The following WDR33 variants were observed in gnomAD, a reference collection of about 807,000 sequenced individuals.
The protein encoded by WDR33 is WD repeat domain 33.
A neutral mutation model predicts 164.9 loss-of-function variants in WDR33; 47 were observed. The observed-to-expected ratio is 0.29, with a 90% CI of 0.23 to 0.36. The LOEUF is 0.36. Among genes scored for constraint, WDR33 ranks in the 10% least tolerant of loss-of-function variants. The pLI is 1.00. For missense variants in WDR33, 1,137 were observed against 1,754.1 expected (o/e 0.65, Z 6.28); for synonymous variants, 505 against 589.0 (o/e 0.86, Z 2.06).
chr2:127,760,435 TG>T (rs1687643043), intron 7 of WDR33, among the ~76,000 whole-genome samples: 1 of 152,222 alleles, frequency 6.6e-6, no homozygotes, highest in African/African-American at 2.4e-5. Flanking sequence ...CCTATTTGTT[TG>T]ACTTTGTGAT....
intron 1 of WDR33, among the ~76,000 whole-genome samples, chr2:127,771,401 TATG>T (rs1461292818): frequency 6.6e-6 from 1 of 152,188 alleles, no homozygotes; most frequent in African/African-American, 2.4e-5. Flanking sequence ...CATAGAAAAG[TATG>T]ATAAAAATAC....
At chr2:127,746,986 A>C (rs1687185552) in intron 7 of WDR33, among the ~76,000 whole-genome samples, 1 of 152,254 alleles carries the variant, frequency 6.6e-6, no homozygotes. Context: ...TATTTAAAAA[A>C]ATGTAAATAT....
chr2:127,797,142 C>A (rs1689068275), intron 1 of WDR33, among the ~76,000 whole-genome samples: 1 of 151,940 alleles, frequency 6.6e-6, no homozygotes, highest in Admixed American at 6.6e-5. Flanking sequence ...GGATGATTTT[C>A]CTATTTTATA....
At chr2:127,745,818 A>C (rs1332056532) in intron 7 of WDR33, among the ~76,000 whole-genome samples, 3 of 152,078 alleles carry the variant, frequency 2.0e-5, no homozygotes, top group Non-Finnish European at 1.5e-5. Context: ...AGAACTCAAA[A>C]AACAGCACGT....
At chr2:127,784,926 A>G (rs967094532) in intron 1 of WDR33, among the ~76,000 whole-genome samples, 2 of 152,152 alleles carry the variant, frequency 1.3e-5, no homozygotes, top group East Asian at 3.8e-4. Context: ...GGGAACCTCA[A>G]TTTCACAATG....
chr2:127,722,587 T>C lies in WDR33; in HGVS notation c.1518+4A>G, dbSNP rs1411596660. ...GTGGATGAGGTGGAGTCACTTTTAC[T>C]TACCTGCTGGAACTGAGCAGGAATG... On this transcript the variant is annotated splice_donor_region_variant and intron_variant, in intron 14 of 21. Coordinates refer to ENST00000322313, the MANE Select transcript of WDR33 (RefSeq NM_018383.5). This position sits in a 1 kb window ranked among gnomAD's most constrained non-coding sequence, Gnocchi z 5.1. 8 of 1,611,970 alleles carry C rather than the reference T, an allele frequency of 5.0e-6. No individual in the cohort carries two copies. Among genetic ancestry groups the C allele is most frequent in the Non-Finnish European group, 6.8e-6 (8 of 1,179,422 alleles).
intron 1 of WDR33, among the ~76,000 whole-genome samples, chr2:127,774,506 T>C (rs1430458535): frequency 6.6e-6 from 1 of 152,128 alleles, no homozygotes; most frequent in Non-Finnish European, 1.5e-5. Flanking sequence ...AAAAAGAAAT[T>C]AAGTTGATAT....
At position 127,701,609 on chromosome 2, in the gene WDR33, C is replaced by T; in HGVS notation, c.*4714G>A. On this transcript the variant is annotated 3_prime_UTR_variant, in exon 22 of 22. Coordinates refer to ENST00000322313, the MANE Select transcript of WDR33 (RefSeq NM_018383.5). ...GCCCGGCGGCCGCGGAGCCGCTGCT[C>T]GCCGCGGAGAAGGCGGAGGAGCCCG... is the stretch of plus-strand genomic sequence containing the variant. The T allele has an allele frequency of 1.5e-6, 2 of 1,345,854 alleles. No individual in the cohort carries two copies. Among genetic ancestry groups the T allele is most frequent in the Admixed American group, 3.5e-5 (1 of 28,460 alleles). 83.4% of individuals were successfully genotyped at this position (1,345,854 alleles called of 1,614,324 possible).
Position 127,706,038 on chromosome 2 carries a change from C to T in WDR33, c.*285G>A. The stretch of plus-strand genomic sequence containing the variant: ...AGGAACTTAAATTTGTGGAGATGCC[C>T]CATGTCTTGTGAGACTTAAAAAAAA... On this transcript the variant is annotated 3_prime_UTR_variant, in exon 22 of 22. Coordinates refer to ENST00000322313, the MANE Select transcript of WDR33 (RefSeq NM_018383.5). This position sits in a 1 kb window ranked among gnomAD's most constrained non-coding sequence, Gnocchi z 5.1. 2.8e-6 allele frequency: 1 copy of T among 359,300 alleles called. No homozygotes were observed. 22.3% of individuals were successfully genotyped at this position (359,300 alleles called of 1,614,324 possible). A position where few individuals can be genotyped will look rare whatever the true frequency, so the allele number is the denominator to read the frequency against.
rs759907850 is a variant in WDR33 at position 127,763,053 on chromosome 2, T to G, written c.724+9A>C. On this transcript the variant is annotated intron_variant, in intron 7 of 21. Transcript: ENST00000322313. This position sits in a 1 kb window ranked among gnomAD's most constrained non-coding sequence, Gnocchi z 4.5. ...TAAATATTCCAATCAGTACTGTTAGTACACGTACCTCGGAGAATTCTTTCC... is the reference window on the plus strand; with the variant it reads ...TAAATATTCCAATCAGTACTGTTAGGACACGTACCTCGGAGAATTCTTTCC... 2.5e-6 allele frequency: 4 copies of G among 1,613,874 alleles called. No homozygotes were observed. The highest frequency in any genetic ancestry group is 8.5e-7 in the Non-Finnish European group (1 of 1,179,886).
chr2:127,753,931 T>G (rs1411640043), intron 7 of WDR33, among the ~76,000 whole-genome samples: 1 of 152,176 alleles, frequency 6.6e-6, no homozygotes, highest in Non-Finnish European at 1.5e-5. Flanking sequence ...AGTAAAAAGC[T>G]AAGGTGGGAA....
intron 1 of WDR33, among the ~76,000 whole-genome samples, chr2:127,787,967 C>T (rs1688658165): frequency 1.8e-5 from 1 of 55,282 alleles, no homozygotes; most frequent in Non-Finnish European, 3.3e-5. Context: ...TAGGGGCGGC[C>T]GGGCAGAGGC....
At chr2:127,790,414 A>G (rs1313236882) in intron 1 of WDR33, among the ~76,000 whole-genome samples, 1 of 152,016 alleles carries the variant, frequency 6.6e-6, no homozygotes. Context: ...TTTTCTTGTA[A>G]TATCTGTATC....
rs921933754 is a variant in WDR33 at position 127,770,099 on chromosome 2, T to C, written c.204+679A>G. Among the ~76,000 whole-genome samples the C allele has an allele frequency of 2.6e-5, 4 of 152,204 alleles. No homozygotes were observed. Among genetic ancestry groups the C allele is most frequent in the Non-Finnish European group, 4.4e-5 (3 of 68,036 alleles). ...AGCCAGTGTCTCACAAAAATATTCC[T>C]ATGTTGGTAGTCTTTTATGATTTCA... On this transcript the variant is annotated intron_variant, in intron 2 of 21. Transcript: ENST00000322313. The surrounding 1 kb of genome is among the most constrained non-coding windows in gnomAD (Gnocchi z 4.9).
intron 7 of WDR33, among the ~76,000 whole-genome samples, chr2:127,745,368 C>T (rs560384345): frequency 2.6e-5 from 4 of 152,314 alleles, no homozygotes; most frequent in South Asian, 2.1e-4. Context: ...CATGGGACCA[C>T]GAAGTTCCCA....
At position 127,770,328 on chromosome 2, in the gene WDR33, C is replaced by G. The variant is rs997082171; in HGVS notation, c.204+450G>C. On this transcript the variant is annotated intron_variant, in intron 2 of 21. Transcript: ENST00000322313. This position sits in a 1 kb window ranked among gnomAD's most constrained non-coding sequence, Gnocchi z 4.9. ...TAAATTAGCCAATTTGAAATTCCACCGTGTCCCACTAATTCAACTAACACA... is the reference window on the plus strand; with the variant it reads ...TAAATTAGCCAATTTGAAATTCCACGGTGTCCCACTAATTCAACTAACACA... Among the ~76,000 whole-genome samples the G allele has an allele frequency of 6.6e-6, 1 of 152,120 alleles. No individual in the cohort carries two copies. The highest frequency in any genetic ancestry group is 1.9e-4 in the East Asian group (1 of 5,198).
rs765153284 is a variant in WDR33, at chr2:127,713,867, G to C, written c.3024C>G (p.Asp1008Glu). 6.2e-7 allele frequency: 1 copy of C among 1,614,260 alleles called. No individual in the cohort carries two copies. The highest frequency in any genetic ancestry group is 2.2e-5 in the East Asian group (1 of 44,880). The change falls in exon 18 of 22, where the codon GAC becomes GAG. Residue 1008 changes from aspartate to glutamate, a missense_variant. Around this residue, in one of 9 missense-constraint regions of WDR33, gnomAD observed 867 missense variants for 1,073.0 expected, o/e 0.81. Transcript: ENST00000322313. The surrounding 1 kb of genome is among the most constrained non-coding windows in gnomAD (Gnocchi z 6.2). ...GPPDRRGPHPDFPDDFSRPDD... is the reference protein window; with the variant it reads ...GPPDRRGPHPEFPDDFSRPDD... ...CTGGTCTGCTGAAGTCATCGGGGAA[G>C]TCTGGGTGAGGGCCACGCCTATCAG...
At chr2:127,801,104 G>GAAA (rs36096560) in intron 1 of WDR33, among the ~76,000 whole-genome samples, 3 of 137,340 alleles carry the variant, frequency 2.2e-5, no homozygotes, top group Admixed American at 7.4e-5. Flanking sequence ...CTGTCTCTAG[G>GAAA]AAAAAAAAAA....
At chr2:127,715,367 C>T (rs765861558) in intron 17 of WDR33, among the ~76,000 whole-genome samples, 16 of 152,226 alleles carry the variant, frequency 1.1e-4, no homozygotes, top group East Asian at 1.9e-4. Flanking sequence ...TACAGGCATG[C>T]GCCACTGCAC....
Sources: allele counts gnomAD v4.1 joint callset (sites outside exome capture counted in the v4.1 genomes callset), GRCh38; gene constraint gnomAD v4.1.1; regional missense constraint gnomAD v4.1.1; non-coding constraint Gnocchi (gnomAD v3.1); transcripts MANE v1.5; gene names NCBI Gene and HGNC (gene_info 2026-07-23, HGNC 2026-07-21).